Variants in KLF17 observed in about 807,000 individuals in gnomAD.
KLF17 encodes KLF transcription factor 17.
A neutral mutation model predicts 34.2 loss-of-function variants in KLF17; 31 were observed. The ratio of observed to expected loss-of-function variants is 0.91; its 90% CI spans 0.68 to 1.22. KLF17 has a LOEUF of 1.22. Among genes scored for constraint, KLF17 ranks in the 50% most tolerant of loss-of-function variants. KLF17 has a pLI of 0.00. For missense variants in KLF17, 478 were observed against 505.2 expected (o/e 0.95, Z 0.52); for synonymous variants, 179 against 186.7 (o/e 0.96, Z 0.34).
the KLF17 span, among the ~76,000 whole-genome samples, chr1:44,109,897 CTTTT>C: frequency 6.5e-5 from 5 of 77,196 alleles, no homozygotes; most frequent in Admixed American, 1.8e-4. Flanking sequence ...CTTTTTTATA[CTTTT>C]TTTTTTTTTT....
At chr1:44,100,903 A>T in the KLF17 span, among the ~76,000 whole-genome samples, 1 of 152,290 alleles carries the variant, frequency 6.6e-6, no homozygotes, top group African/African-American at 2.4e-5. Context: ...AAAAACCCTC[A>T]CATTTTTAGG....
At chr1:44,103,672 G>T in the KLF17 span, 170 of 1,610,058 alleles carry the variant, frequency 1.1e-4, no homozygotes, top group East Asian at 3.6e-3. Flanking sequence ...CGCAGCTGCC[G>T]CGCCATGTCC....
At chr1:44,121,137 A>G (rs2087940880) in intron 1 of KLF17, among the ~76,000 whole-genome samples, 1 of 152,208 alleles carries the variant, frequency 6.6e-6, no homozygotes, top group Admixed American at 6.5e-5. Flanking sequence ...TTCTTTTGAG[A>G]CAGGGTCTTG....
chr1:44,103,838 G>T, the KLF17 span: 1 of 796,626 alleles, frequency 1.3e-6, no homozygotes, highest in Non-Finnish European at 2.2e-6. Flanking sequence ...GCCCACTGAT[G>T]TTCCAGTTTA....
At chr1:44,132,399 T>C (rs2088122174) in intron 3 of KLF17, among the ~76,000 whole-genome samples, 1 of 152,148 alleles carries the variant, frequency 6.6e-6, no homozygotes, top group African/African-American at 2.4e-5. Context: ...CATAAATTGC[T>C]GCATGGCACC....
the KLF17 span, among the ~76,000 whole-genome samples, chr1:44,065,410 T>A: frequency 6.9e-6 from 1 of 144,404 alleles, no homozygotes; most frequent in African/African-American, 2.6e-5. Flanking sequence ...CCTTGGTTTT[T>A]TTTTTTTTTT....
At chr1:44,081,625 T>C in the KLF17 span, among the ~76,000 whole-genome samples, 1 of 152,096 alleles carries the variant, frequency 6.6e-6, no homozygotes, top group Non-Finnish European at 1.5e-5. Flanking sequence ...TTTGCCATGT[T>C]GGCCAGGCTG....
intron 1 of KLF17, among the ~76,000 whole-genome samples, chr1:44,127,630 T>TTTCTTTTC (rs1491542303): frequency 5.0e-4 from 23 of 45,998 alleles, no homozygotes; most frequent in African/African-American, 1.6e-3. Context: ...TTTTCTTTTC[T>TTTCTTTTC]TTTCTTTCCT....
chr1:44,058,186 T>C, the KLF17 span, among the ~76,000 whole-genome samples: 1 of 152,174 alleles, frequency 6.6e-6, no homozygotes, highest in Non-Finnish European at 1.5e-5. Flanking sequence ...ACCTCAATCC[T>C]TGGGGAAGGT....
chr1:44,124,827 TGTGG>T (rs1375541750), intron 1 of KLF17, among the ~76,000 whole-genome samples: 5 of 152,080 alleles, frequency 3.3e-5, no homozygotes, highest in Non-Finnish European at 7.4e-5. Context: ...CTATGTCCTT[TGTGG>T]TTGCCATGGG....
intron 1 of KLF17, among the ~76,000 whole-genome samples, 182 bp from the exon 2 acceptor site, chr1:44,129,171 G>A (rs570959132): frequency 8.5e-5 from 13 of 152,184 alleles, no homozygotes; most frequent in South Asian, 6.2e-4. Context: ...TTAGGCTTCC[G>A]TGGGGCTTGT....
At chr1:44,096,544 G>A in the KLF17 span, among the ~76,000 whole-genome samples, 4 of 151,466 alleles carry the variant, frequency 2.6e-5, no homozygotes, top group East Asian at 1.9e-4. Context: ...GACTACAGGC[G>A]CCCACCACCA....
chr1:44,073,373 AT>A, the KLF17 span, among the ~76,000 whole-genome samples: 1 of 151,632 alleles, frequency 6.6e-6, no homozygotes, highest in Non-Finnish European at 1.5e-5. Context: ...CACCTGGCTA[AT>A]TTTTGTATTT....
the KLF17 span, among the ~76,000 whole-genome samples, chr1:44,047,274 C>T: frequency 6.6e-6 from 1 of 152,186 alleles, no homozygotes; most frequent in African/African-American, 2.4e-5. Context: ...CAATTGTACT[C>T]ATAGCATTGA....
At chr1:44,072,439 C>T in the KLF17 span, among the ~76,000 whole-genome samples, 3 of 151,966 alleles carry the variant, frequency 2.0e-5, no homozygotes, top group African/African-American at 7.3e-5. Flanking sequence ...GCCTATAATC[C>T]CAGAACTTTG....
intron 1 of KLF17, among the ~76,000 whole-genome samples, chr1:44,123,898 G>T (rs2087977491): frequency 6.6e-6 from 1 of 151,832 alleles, no homozygotes; most frequent in Admixed American, 6.6e-5. Context: ...GGTCAGAGAA[G>T]ATACTTTGTA....
At chr1:44,062,989 C>T in the KLF17 span, among the ~76,000 whole-genome samples, 3 of 152,104 alleles carry the variant, frequency 2.0e-5, no homozygotes, top group African/African-American at 7.2e-5. Flanking sequence ...CAACCCAATG[C>T]GCATCAGCAG....
Position 44,129,937 on chromosome 1 carries a change from G to A in KLF17, c.666G>A (p.Met222Ile), listed in dbSNP as rs1175129616. The A allele has an allele frequency of 1.2e-6, 2 of 1,614,068 alleles. No homozygotes were observed. Among genetic ancestry groups the A allele is most frequent in the East Asian group, 2.2e-5 (1 of 44,886 alleles). ...LPPQDAHDLG[M>I]PPAESQSLLV... Reference sequence around the variant, plus strand: ...CGCAAGATGCCCATGACCTTGGGATGCCCCCAGCTGAGTCCCAGTCATTGC... The same window carrying A: ...CGCAAGATGCCCATGACCTTGGGATACCCCCAGCTGAGTCCCAGTCATTGC... The change falls in exon 2 of 4, where the codon ATG becomes ATA. Residue 222 changes from methionine to isoleucine, a missense_variant. By Grantham distance (10) the Met-to-Ile change is conservative. Transcript: ENST00000372299.
chr1:44,079,909 C>T, the KLF17 span, among the ~76,000 whole-genome samples: 1 of 151,624 alleles, frequency 6.6e-6, no homozygotes, highest in Admixed American at 6.6e-5. Context: ...TTTGTGCCTG[C>T]ACTAATCCCT....
Sources: gnomAD v4.1 joint callset for allele counts (sites outside exome capture counted in the v4.1 genomes callset) on GRCh38, gnomAD v4.1.1 for gene constraint, MANE v1.5 for transcripts, NCBI Gene and HGNC (gene_info 2026-07-23, HGNC 2026-07-21) for gene names.